Variants in GSE1 observed in about 807,000 individuals in gnomAD.
GSE1 encodes the protein Gse1 coiled-coil protein.
In GSE1, 32 loss-of-function variants were observed where a neutral mutation model predicts 112.6. The ratio of observed to expected loss-of-function variants is 0.28; its 90% CI spans 0.21 to 0.38. GSE1 has a LOEUF of 0.38. Among genes scored for constraint, GSE1 ranks in the 10% least tolerant of loss-of-function variants. GSE1 has a pLI of 1.00. For synonymous variants in GSE1, 1,115 were observed against 735.6 expected (o/e 1.52, Z -8.35); for missense variants, 2,348 against 1,699.2 (o/e 1.38, Z -6.71).
chr16:85,350,736 AT>A (rs1393499811), intron 1 of GSE1, among the ~76,000 whole-genome samples: 1 of 152,138 alleles, frequency 6.6e-6, no homozygotes, highest in African/African-American at 2.4e-5. Flanking sequence ...AGTTCGTTGA[AT>A]TTCCTCCGTC....
At chr16:85,441,279 T>A (rs570228839) in intron 2 of GSE1, among the ~76,000 whole-genome samples, 1 of 152,258 alleles carries the variant, frequency 6.6e-6, no homozygotes, top group East Asian at 1.9e-4. Context: ...AAACCAAAAA[T>A]GTCTGCAGAC....
chr16:85,437,796 G>C lies in GSE1; in HGVS notation c.2464+80153G>C, dbSNP rs950423188. The stretch of plus-strand genomic sequence containing the variant: ...GGCCGAACACCACCGCCTAGAGCTA[G>C]CAGGGGCTATGTTCAGTGGTTGGAC... On this transcript the variant is annotated intron_variant, in intron 2 of 2. Transcript: ENST00000637419. Among the ~76,000 whole-genome samples, 7 of 152,316 alleles carry C rather than the reference G, an allele frequency of 4.6e-5. 1 individual carries two copies. The South Asian group carries it at 1.0e-3, about 23-fold the overall frequency.
At chr16:85,472,538 C>G (rs183428107) in intron 2 of GSE1, among the ~76,000 whole-genome samples, 27 of 152,348 alleles carry the variant, frequency 1.8e-4, no homozygotes, top group Non-Finnish European at 3.8e-4. Context: ...CTAATTATAT[C>G]TGCAAAGGCT....
intron 1 of GSE1, among the ~76,000 whole-genome samples, chr16:85,230,190 C>A (rs1480787657): frequency 1.3e-5 from 2 of 152,286 alleles, no homozygotes; most frequent in African/African-American, 4.8e-5. Context: ...TCTTGTCTGG[C>A]CTCCTTTAAC....
At chr16:85,366,602 G>C (rs1284805243) in intron 2 of GSE1, among the ~76,000 whole-genome samples, 1 of 152,198 alleles carries the variant, frequency 6.6e-6, no homozygotes, top group Admixed American at 6.5e-5. Context: ...TTTTACCCAT[G>C]CTGGGTCTAG....
At position 85,584,237 on chromosome 16, in the gene GSE1, C is replaced by A. The variant is rs1012216760; in HGVS notation, c.37+27874C>A. On this transcript the variant is annotated intron_variant, in intron 1 of 2. Coordinates refer to the GSE1 transcript ENST00000635906. ...TGCCAGGCTGGTTCGGGGCCCCTGG[C>A]TCCCCTCTTTTTGGGCAGGAGGGAG... Among the ~76,000 whole-genome samples the A allele has an allele frequency of 1.8e-4, 28 of 152,276 alleles. 1 individual carries two copies. In the South Asian group the frequency reaches 2.7e-3, roughly 15 times the overall value.
At position 85,666,320 on chromosome 16, in the gene GSE1, A is replaced by C. The variant is rs775581310; in HGVS notation, c.3103A>C (p.Thr1035Pro). The change falls in exon 13 of 16, where the codon ACC (threonine) becomes CCC (proline). Residue 1035 changes from threonine (T) to proline (P), a missense_variant. Physicochemically the swap from Thr to Pro is conservative, Grantham distance 38. Transcript: ENST00000253458. ...GTTCCACGAGTCAGTGCTGCAGTCC[A>C]CCCAGAAGGCCCTGCAGAAGCATAA... ...HQFHESVLQS[T>P]QKALQKHKGS... 2 of 1,613,640 alleles carry C rather than the reference A, an allele frequency of 1.2e-6. No individual in the cohort carries two copies. The highest frequency in any genetic ancestry group is 2.7e-5 in the African/African-American group (2 of 74,910).
chr16:85,553,281 C>T (rs1286654785), upstream of GSE1, among the ~76,000 whole-genome samples: 2 of 149,426 alleles, frequency 1.3e-5, no homozygotes, highest in East Asian at 2.0e-4. Context: ...GACCCCGCCG[C>T]CCCGCTTGCC....
chr16:85,662,986 T>C lies in GSE1; in HGVS notation c.2266T>C (p.Tyr756His). ...RRREAQEKGY[Y>H]YDLDDSYDES... ...TACAACCATTTCTCCATCAGGGTAC[T>C]ACTACGACCTCGATGACTCTTACGA... The change falls in exon 10 of 16, where the codon TAC becomes CAC. Residue 756 changes from tyrosine (Y) to histidine (H), a missense_variant. Physicochemically the swap from Tyr to His is moderately conservative, Grantham distance 83 (BLOSUM62 2). Transcript: ENST00000253458. 6 of 1,600,528 alleles carry C rather than the reference T, an allele frequency of 3.7e-6. No homozygotes were observed. The highest frequency in any genetic ancestry group is 5.1e-6 in the Non-Finnish European group (6 of 1,168,532).
chr16:85,294,673 C>G (rs546387698), intron 1 of GSE1, among the ~76,000 whole-genome samples: 2 of 143,848 alleles, frequency 1.4e-5, no homozygotes, highest in South Asian at 4.7e-4. Context: ...CTCTCTCTCC[C>G]CCCCCTTCCC....
At chr16:85,521,435 ACTCTC>A (rs2052182604) in intron 2 of GSE1, among the ~76,000 whole-genome samples, 1 of 150,604 alleles carries the variant, frequency 6.6e-6, no homozygotes, top group African/African-American at 2.4e-5. Flanking sequence ...GGGCACACTC[ACTCTC>A]CTCCTGCCTG....
chr16:85,400,525 C>T (rs992008558), intron 2 of GSE1, among the ~76,000 whole-genome samples: 4 of 146,114 alleles, frequency 2.7e-5, no homozygotes, highest in Admixed American at 2.0e-4. Context: ...GGTTGTGAGC[C>T]TGTGTGTTTT....
chr16:85,635,490 G>A (rs370480662), intron 2 of GSE1, among the ~76,000 whole-genome samples: 1 of 146,266 alleles, frequency 6.8e-6, no homozygotes, highest in Non-Finnish European at 1.5e-5. Flanking sequence ...TGCCTGCCTG[G>A]TGGAGGCATC....
intron 1 of GSE1, 135 bp downstream of exon 1, chr16:85,613,533 A>G (rs976703355): frequency 7.2e-6 from 6 of 838,544 alleles, no homozygotes; most frequent in Middle Eastern, 3.5e-4. Context: ...GTTAGCGGCG[A>G]TAAGAGCCGG....
chr16:85,304,594 C>T (rs1039311360), intron 1 of GSE1, among the ~76,000 whole-genome samples: 24 of 16,902 alleles, frequency 1.4e-3, no homozygotes, highest in African/African-American at 3.5e-3. Flanking sequence ...AGCTGCCAAG[C>T]CGGGGGCGGG....
chr16:85,219,960 C>A (rs1403611782), intron 1 of GSE1, among the ~76,000 whole-genome samples: 2 of 152,304 alleles, frequency 1.3e-5, no homozygotes, highest in African/African-American at 4.8e-5. Context: ...GTGACCCCAG[C>A]CTGGAGGATG....
intron 2 of GSE1, among the ~76,000 whole-genome samples, chr16:85,646,316 CAG>C (rs1164129648): frequency 2.0e-5 from 3 of 152,388 alleles, no homozygotes; most frequent in Non-Finnish European, 4.4e-5. Flanking sequence ...CTTTTGCAAA[CAG>C]AAGGTGCCCA....
Position 85,661,368 on chromosome 16 carries a change from G to T in GSE1, c.1863G>T (p.Pro621=). ...AFEPSRQAAV[P]LVKVERVFCP... is the part of the protein sequence containing the mutation. Reference sequence around the variant, plus strand: ...AGCCCAGCCGCCAGGCAGCCGTGCCGCTGGTGAAGGTGGAGCGGGTCTTCT... The same window carrying T: ...AGCCCAGCCGCCAGGCAGCCGTGCCTCTGGTGAAGGTGGAGCGGGTCTTCT... Residue 621 remains proline (P), a synonymous_variant, in exon 9 of 16, where the codon CCG becomes CCT. Transcript: ENST00000253458. 1.9e-6 allele frequency: 3 copies of T among 1,612,236 alleles called. No individual in the cohort carries two copies. The highest frequency in any genetic ancestry group is 2.5e-6 in the Non-Finnish European group (3 of 1,179,644).
intron 2 of GSE1, among the ~76,000 whole-genome samples, chr16:85,436,262 C>T (rs941440234): frequency 6.6e-5 from 10 of 152,200 alleles, no homozygotes; most frequent in African/African-American, 1.9e-4. Context: ...GGTATCAGAG[C>T]GCAGGAGTCC....
Sources: allele counts gnomAD v4.1 joint callset (sites outside exome capture counted in the v4.1 genomes callset), GRCh38; gene constraint gnomAD v4.1.1; transcripts MANE v1.5; gene names NCBI Gene and HGNC (gene_info 2026-07-23, HGNC 2026-07-21).